The following FCER1A variants were observed in gnomAD, a reference collection of about 807,000 sequenced individuals.
FCER1A encodes the protein Fc epsilon receptor Ia.
In FCER1A, 24 loss-of-function variants were observed where a neutral mutation model predicts 23.6. That is an observed-to-expected ratio of 1.02 (90% confidence interval 0.74 to 1.43). The LOEUF is 1.43. FCER1A is among the 40% of genes most tolerant of loss of function. The pLI, the probability that FCER1A is intolerant of heterozygous loss-of-function variation, is 0.00. For missense variants in FCER1A, 318 were observed against 294.5 expected (o/e 1.08, Z -0.58); for synonymous variants, 121 against 108.8 (o/e 1.11, Z -0.70).
At chr1:159,287,631 C>T (rs1245592469), upstream of FCER1A, among the ~76,000 whole-genome samples, 1 of 150,012 alleles carries the variant, frequency 6.7e-6, no homozygotes, top group Non-Finnish European at 1.5e-5. Flanking sequence ...TAAATATGTA[C>T]ATGTAGATAA....
Position 159,304,564 on chromosome 1 carries a change from G to A in FCER1A, c.331+382G>A, listed in dbSNP as rs997581857. On this transcript the variant is annotated intron_variant, in intron 3 of 4. Coordinates refer to ENST00000693622, the MANE Select transcript of FCER1A (RefSeq NM_001387280.1). ...GGAGGTTGCAGTGAGCTGAGATCAC[G>A]CCACTGCCCTCCAGCCTGGGCTACA... Among the ~76,000 whole-genome samples, 12 of 152,222 alleles carry A rather than the reference G, an allele frequency of 7.9e-5. No individual in the cohort carries two copies. The South Asian group carries it at 1.0e-3, about 13-fold the overall frequency.
upstream of FCER1A, among the ~76,000 whole-genome samples, chr1:159,300,982 A>G (rs1013813916): frequency 1.3e-5 from 2 of 152,232 alleles, no homozygotes; most frequent in Admixed American, 6.5e-5. Flanking sequence ...TCCTGGGCTC[A>G]GTACCTAATC....
At chr1:159,303,876 C>G in intron 2 of FCER1A, 52 bp from the exon 3 acceptor site, 3 of 1,466,798 alleles carry the variant, frequency 2.0e-6, no homozygotes. Flanking sequence ...AGACAGTTTT[C>G]AATGACTTTT....
upstream of FCER1A, chr1:159,302,289 TG>T (rs1475143285): frequency 1.0e-6 from 1 of 988,114 alleles, no homozygotes; most frequent in African/African-American, 1.6e-5. Flanking sequence ...CATTTCCTTC[TG>T]CTTTTTGGTT....
At chr1:159,296,582 G>A (rs1208999098) in intron 1 of FCER1A, among the ~76,000 whole-genome samples, 1 of 152,172 alleles carries the variant, frequency 6.6e-6, no homozygotes, top group African/African-American at 2.4e-5. Flanking sequence ...AAATGCAAAA[G>A]ATGCTTTTGT....
intron 2 of FCER1A, 30 bp from the exon 3 acceptor site, chr1:159,303,898 A>G: frequency 1.3e-6 from 2 of 1,583,674 alleles, no homozygotes; most frequent in Middle Eastern, 1.7e-4. Flanking sequence ...TTCTCTCTAC[A>G]TGTCTTTTCA....
At chr1:159,292,862 G>A (rs1652189995) in intron 1 of FCER1A, among the ~76,000 whole-genome samples, 2 of 151,790 alleles carry the variant, frequency 1.3e-5, no homozygotes, top group Non-Finnish European at 2.9e-5. Context: ...GGTTATCATG[G>A]GAGTGAGACT....
chr1:159,302,745 G>C (rs1571080674), intron 1 of FCER1A, 109 bp from the exon 2 acceptor site: 1 of 961,758 alleles, frequency 1.0e-6, no homozygotes, highest in East Asian at 2.4e-5. Context: ...AAAGACGGTT[G>C]GTCCTTAAAA....
intron 1 of FCER1A, among the ~76,000 whole-genome samples, chr1:159,294,297 T>C (rs530396494): frequency 3.9e-5 from 6 of 152,278 alleles, no homozygotes; most frequent in South Asian, 2.1e-4. Context: ...CTATTCACAA[T>C]AGCAAAGACT....
At chr1:159,284,907 C>A (rs1029656240), upstream of FCER1A, among the ~76,000 whole-genome samples, 1 of 152,164 alleles carries the variant, frequency 6.6e-6, no homozygotes, top group African/African-American at 2.4e-5. Context: ...ATTGCCTTGA[C>A]TTTTATTACA....
upstream of FCER1A, among the ~76,000 whole-genome samples, chr1:159,299,086 C>T (rs781621724): frequency 6.6e-6 from 1 of 152,192 alleles, no homozygotes; most frequent in South Asian, 2.1e-4. Context: ...TACTTAACCT[C>T]TCATGCTTTG....
At chr1:159,300,023 C>T (rs1652391901), upstream of FCER1A, among the ~76,000 whole-genome samples, 1 of 151,990 alleles carries the variant, frequency 6.6e-6, no homozygotes, top group African/African-American at 2.4e-5. Context: ...GCTTTTTAGG[C>T]TTTAATGAGC....
At chr1:159,303,062 C>A (rs1409251024) in intron 2 of FCER1A, among the ~76,000 whole-genome samples, 188 bp downstream of exon 2, 1 of 152,146 alleles carries the variant, frequency 6.6e-6, no homozygotes. Context: ...TCTCTCAAGT[C>A]ATTCTCTCCT....
At chr1:159,284,174 C>T in the FCER1A span, among the ~76,000 whole-genome samples, 2 of 152,036 alleles carry the variant, frequency 1.3e-5, no homozygotes, top group Non-Finnish European at 2.9e-5. Context: ...TTATAGGGGC[C>T]GGGACATCTG....
At chr1:159,295,506 A>T (rs1652275008) in intron 1 of FCER1A, among the ~76,000 whole-genome samples, 1 of 152,168 alleles carries the variant, frequency 6.6e-6, no homozygotes, top group Admixed American at 6.6e-5. Context: ...AAACTTACAA[A>T]TTCCTAATTA....
Position 159,304,158 on chromosome 1 carries a change from C to A in FCER1A, c.307C>A (p.Pro103Thr), listed in dbSNP as rs1652527579. The A allele has an allele frequency of 6.2e-7, 1 of 1,613,666 alleles. No individual in the cohort carries two copies. The highest frequency in any genetic ancestry group is 1.1e-5 in the South Asian group (1 of 91,078). The change falls in exon 3 of 5, where the codon CCT (proline) becomes ACT (threonine). Residue 103 changes from proline (P) to threonine (T), a missense_variant. Transcript: ENST00000693622. ...CQHQQVNESEPVYLEVFSDWL... is the reference protein window; with the variant it reads ...CQHQQVNESETVYLEVFSDWL... ...GCACCAACAAGTTAATGAGAGTGAA[C>A]CTGTGTACCTGGAAGTCTTCAGTGG...
chr1:159,306,476 A>G (rs538517936), intron 4 of FCER1A, among the ~76,000 whole-genome samples: 1 of 152,218 alleles, frequency 6.6e-6, no homozygotes, highest in Non-Finnish European at 1.5e-5. Flanking sequence ...ATTTTTATGA[A>G]GATTAATGTG....
Position 159,307,905 on chromosome 1 carries a change from T to A in FCER1A, c.747T>A (p.His249Gln), listed in dbSNP as rs1474727190. The A allele has an allele frequency of 6.2e-7, 1 of 1,603,926 alleles. No homozygotes were observed. The highest frequency in any genetic ancestry group is 1.7e-5 in the Admixed American group (1 of 59,522). The change falls in exon 5 of 5, where the codon CAT becomes CAA. Residue 249 changes from histidine to glutamine, a missense_variant. By Grantham distance (24) the His-to-Gln change is conservative. Coordinates refer to ENST00000693622, the MANE Select transcript of FCER1A (RefSeq NM_001387280.1). ...AAGGCTTCAGACTTCTGAACCCACATCCTAAGCCAAACCCCAAAAACAACT... is the reference window on the plus strand; with the variant it reads ...AAGGCTTCAGACTTCTGAACCCACAACCTAAGCCAAACCCCAAAAACAACT... ...TRKGFRLLNP[H>Q]PKPNPKNN is the part of the protein sequence containing the mutation.
chr1:159,302,829 A>T, intron 1 of FCER1A, 25 bp from the exon 2 acceptor site: 1 of 1,609,330 alleles, frequency 6.2e-7, no homozygotes. Flanking sequence ...CTGGACACTA[A>T]TGTATCCTCT....
Sources: gnomAD v4.1 joint callset for allele counts (sites outside exome capture counted in the v4.1 genomes callset) on GRCh38, gnomAD v4.1.1 for gene constraint, MANE v1.5 for transcripts, NCBI Gene and HGNC (gene_info 2026-07-23, HGNC 2026-07-21) for gene names.